Variants in ALK observed in about 807,000 individuals in gnomAD.
ALK encodes the protein ALK tyrosine kinase receptor.
A neutral mutation model predicts 163.1 loss-of-function variants in ALK; 74 were observed. That is an observed-to-expected ratio of 0.45 (90% CI 0.38 to 0.55). The LOEUF (loss-of-function observed/expected upper bound fraction) is 0.55, where lower values mean the gene tolerates loss of function less well. Ranked by LOEUF, ALK falls within the 20% of genes least tolerant of loss-of-function variation. The pLI, the probability that ALK is intolerant of heterozygous loss-of-function variation, is 0.00. For synonymous variants in ALK, 960 were observed against 843.2 expected (o/e 1.14, Z -2.40); for missense variants, 2,063 against 2,105.3 (o/e 0.98, Z 0.39).
At chr2:29,901,325 T>C (rs1356105526) in intron 1 of ALK, among the ~76,000 whole-genome samples, 1 of 152,240 alleles carries the variant, frequency 6.6e-6, no homozygotes, top group Admixed American at 6.5e-5. Context: ...CATCATTGCC[T>C]TATCTGAGGT....
intron 1 of ALK, among the ~76,000 whole-genome samples, chr2:29,807,249 C>A (rs572566655): frequency 2.6e-5 from 4 of 152,282 alleles, no homozygotes; most frequent in Admixed American, 2.0e-4. Flanking sequence ...TAATAAGAAA[C>A]AAGGGAGGAG....
At chr2:29,267,943 A>T (rs949207214) in intron 11 of ALK, among the ~76,000 whole-genome samples, 1 of 152,178 alleles carries the variant, frequency 6.6e-6, no homozygotes, top group African/African-American at 2.4e-5. Flanking sequence ...AAGCTAAATG[A>T]TCTTAATCAA....
chr2:29,553,725 G>A lies in ALK; in HGVS notation c.953-21609C>T, dbSNP rs149350149. On this transcript the variant is annotated intron_variant, in intron 3 of 28. Transcript: ENST00000389048. ...TATATTTTGTCTATCAGTAATGCACGGCAGTACCTGTTTCATTGCACCCCT... is the reference window on the plus strand; with the variant it reads ...TATATTTTGTCTATCAGTAATGCACAGCAGTACCTGTTTCATTGCACCCCT... 7.2e-5 allele frequency among the ~76,000 whole-genome samples: 11 copies of A among 152,280 alleles called. No homozygotes were observed. The East Asian group carries it at 1.4e-3, about 19-fold the overall frequency.
chr2:29,601,951 GGTGGGGGCGGGGGACAGGAACTCTACCA>G (rs1558403647), intron 3 of ALK, among the ~76,000 whole-genome samples: 1 of 152,074 alleles, frequency 6.6e-6, no homozygotes, highest in African/African-American at 2.4e-5. Flanking sequence ...GACACCTGAA[GGTGGGGGCGGGGGACAGGAACTCTACCA>G]GCTCAGTGTC....
intron 3 of ALK, among the ~76,000 whole-genome samples, chr2:29,690,279 C>T (rs6547972): frequency 0.056 from 8,464 of 152,224 alleles, 357 homozygotes; most frequent in African/African-American, 0.11. Context: ...CATCCAGACC[C>T]TCCACCAAAA....
chr2:29,779,799 A>G (rs1681283546), intron 1 of ALK, among the ~76,000 whole-genome samples: 1 of 152,212 alleles, frequency 6.6e-6, no homozygotes, highest in Admixed American at 6.5e-5. Flanking sequence ...AGATAAACAG[A>G]GTGTAAAAAG....
At chr2:29,498,216 A>G (rs1385125854) in intron 4 of ALK, among the ~76,000 whole-genome samples, 1 of 152,182 alleles carries the variant, frequency 6.6e-6, no homozygotes, top group African/African-American at 2.4e-5. Flanking sequence ...TAATGCCCAA[A>G]TATGACCTAA....
chr2:29,351,773 G>A (rs1272509198), intron 5 of ALK, among the ~76,000 whole-genome samples: 1 of 151,952 alleles, frequency 6.6e-6, no homozygotes, highest in African/African-American at 2.4e-5. Flanking sequence ...GTGGTAGGGT[G>A]GGAGAGGCAG....
chr2:29,769,817 G>A (rs775104886), intron 1 of ALK, among the ~76,000 whole-genome samples: 2 of 152,172 alleles, frequency 1.3e-5, no homozygotes, highest in Non-Finnish European at 1.5e-5. Context: ...CAGCAACAGC[G>A]GTTTAGATAC....
intron 5 of ALK, among the ~76,000 whole-genome samples, chr2:29,340,648 G>C (rs987544589): frequency 1.3e-5 from 2 of 152,160 alleles, no homozygotes; most frequent in African/African-American, 4.8e-5. Flanking sequence ...TGTACTCAAG[G>C]CTTTATGAGC....
intron 4 of ALK, among the ~76,000 whole-genome samples, chr2:29,460,064 A>G (rs528424517): frequency 6.6e-6 from 1 of 152,288 alleles, no homozygotes; most frequent in African/African-American, 2.4e-5. Flanking sequence ...TCCACCCTGG[A>G]GCCTTGCTCC....
chr2:29,329,567 G>A (rs1667378708), intron 5 of ALK, among the ~76,000 whole-genome samples: 1 of 152,180 alleles, frequency 6.6e-6, no homozygotes, highest in Non-Finnish European at 1.5e-5. Flanking sequence ...CAGTGCTCAG[G>A]GCAGTGGGGG....
chr2:29,387,413 A>G (rs1205825865), intron 4 of ALK, among the ~76,000 whole-genome samples: 1 of 152,160 alleles, frequency 6.6e-6, no homozygotes, highest in African/African-American at 2.4e-5. Flanking sequence ...GAGTCCATCA[A>G]AAAAGGCAGG....
At chr2:29,591,095 A>G (rs867305508) in intron 3 of ALK, among the ~76,000 whole-genome samples, 1 of 148,662 alleles carries the variant, frequency 6.7e-6, no homozygotes, top group Non-Finnish European at 1.5e-5. Context: ...AAAAAAAAAA[A>G]AAAAATCCCA....
intron 4 of ALK, among the ~76,000 whole-genome samples, chr2:29,411,891 GA>G (rs1669733398): frequency 6.6e-6 from 1 of 152,128 alleles, no homozygotes; most frequent in Admixed American, 6.5e-5. Flanking sequence ...TGAAGTCATG[GA>G]TGAGCCTCTT....
chr2:29,242,006 T>C (rs1354994061), intron 12 of ALK, among the ~76,000 whole-genome samples: 1 of 152,138 alleles, frequency 6.6e-6, no homozygotes, highest in Non-Finnish European at 1.5e-5. Context: ...ATTCCCAGAC[T>C]CTCAGCCAAA....
At chr2:29,356,984 C>T (rs766593828) in intron 5 of ALK, among the ~76,000 whole-genome samples, 4 of 152,172 alleles carry the variant, frequency 2.6e-5, no homozygotes, top group Non-Finnish European at 5.9e-5. Context: ...GGGGCTTCAG[C>T]CACAACAAAC....
intron 1 of ALK, among the ~76,000 whole-genome samples, chr2:29,758,595 C>G (rs1680607967): frequency 6.6e-6 from 1 of 152,178 alleles, no homozygotes; most frequent in African/African-American, 2.4e-5. Flanking sequence ...GCATTGAATA[C>G]AGGCACCTGG....
intron 3 of ALK, among the ~76,000 whole-genome samples, chr2:29,550,302 A>G (rs1052773251): frequency 3.3e-5 from 5 of 152,188 alleles, no homozygotes; most frequent in Admixed American, 1.3e-4. Context: ...TATCAGCTCA[A>G]GATGGTGTAG....
Sources: gnomAD v4.1 joint callset for allele counts (sites outside exome capture counted in the v4.1 genomes callset) on GRCh38, gnomAD v4.1.1 for gene constraint, MANE v1.5 for transcripts, NCBI Gene and HGNC (gene_info 2026-07-23, HGNC 2026-07-21) for gene names.